MYOM2: variants seen among roughly 807,000 people sequenced by gnomAD.
MYOM2 encodes myomesin-2.
Under a neutral mutation model 187.6 loss-of-function variants are expected in MYOM2, and 254 were observed. That is an observed-to-expected ratio of 1.35 (90% CI 1.22 to 1.50). The LOEUF (loss-of-function observed/expected upper bound fraction) is 1.50. Ranked by LOEUF, MYOM2 falls within the 40% of genes most tolerant of loss-of-function variation. The pLI, the probability that MYOM2 is intolerant of heterozygous loss-of-function variation, is 0.00. For missense variants in MYOM2, 2,796 were observed against 1,924.0 expected (o/e 1.45, Z -8.48); for synonymous variants, 981 against 753.8 (o/e 1.30, Z -4.94).
At chr8:2,071,444 G>C (rs1171686780) in intron 8 of MYOM2, among the ~76,000 whole-genome samples, 1 of 152,022 alleles carries the variant, frequency 6.6e-6, no homozygotes, top group Non-Finnish European at 1.5e-5. Context: ...CCAGGCTGAC[G>C]CTTCTGGATC....
chr8:2,059,380 T>G (rs1241770301), intron 6 of MYOM2, 135 bp downstream of exon 6: 1 of 673,586 alleles, frequency 1.5e-6, no homozygotes, highest in African/African-American at 1.8e-5. Flanking sequence ...TAAATAGCAT[T>G]TATGAGTTAA....
At chr8:2,100,767 C>A in intron 19 of MYOM2, 109 bp from the exon 20 acceptor site, 1 of 1,032,628 alleles carries the variant, frequency 9.7e-7, no homozygotes. Flanking sequence ...TACGGATGGT[C>A]CTGGTGGGGG....
chr8:2,078,543 T>C (rs1364544777), intron 11 of MYOM2, among the ~76,000 whole-genome samples, 191 bp from the exon 12 acceptor site: 1 of 152,110 alleles, frequency 6.6e-6, no homozygotes, highest in East Asian at 1.9e-4. Context: ...ATAATATATA[T>C]ATTGCATTTT....
intron 13 of MYOM2, 114 bp downstream of exon 13, chr8:2,079,727 A>G: frequency 8.5e-7 from 1 of 1,175,278 alleles, no homozygotes; most frequent in Non-Finnish European, 1.3e-6. Context: ...TCTGCATGGA[A>G]AAATGAAAAC....
intron 25 of MYOM2, among the ~76,000 whole-genome samples, chr8:2,115,538 G>T (rs766069134): frequency 9.2e-5 from 14 of 152,218 alleles, no homozygotes; most frequent in African/African-American, 2.9e-4. Context: ...GCTGTGTCCC[G>T]GGAGCTGAAG....
Position 2,110,366 on chromosome 8 carries a change from C to T in MYOM2, c.3180+835C>T, listed in dbSNP as rs533455208. On this transcript the variant is annotated intron_variant, in intron 25 of 36. Coordinates refer to ENST00000262113, the MANE Select transcript of MYOM2 (RefSeq NM_003970.4). ...GGCACATGCTCTGTCACGGTCCAGA[C>T]ACCGCCTCGGTTCTGCTTTCGATTG... 3.9e-5 allele frequency among the ~76,000 whole-genome samples: 6 copies of T among 152,308 alleles called. No homozygotes were observed. The East Asian group carries it at 1.2e-3, about 29-fold the overall frequency.
At chr8:2,085,542 GCCC>G (rs1554546494) in intron 14 of MYOM2, 152 bp downstream of exon 14, 13 of 318,148 alleles carry the variant, frequency 4.1e-5, no homozygotes, top group Admixed American at 1.4e-4. Context: ...TCTCTGCGTG[GCCC>G]CACTGTCATG....
At chr8:2,050,439 T>C (rs7815709) in intron 1 of MYOM2, among the ~76,000 whole-genome samples, 31,030 of 152,222 alleles carry the variant, frequency 0.2, 5,041 homozygotes, top group African/African-American at 0.45. Context: ...TTCCCACTTA[T>C]ATTGCTTTGA....
chr8:2,130,539 A>C (rs1797828720), intron 32 of MYOM2, among the ~76,000 whole-genome samples: 1 of 152,272 alleles, frequency 6.6e-6, no homozygotes, highest in Non-Finnish European at 1.5e-5. Flanking sequence ...TGGTTTGCTT[A>C]GGTGACTGTA....
intron 30 of MYOM2, among the ~76,000 whole-genome samples, chr8:2,123,950 T>C (rs1378329592): frequency 6.6e-6 from 1 of 152,228 alleles, no homozygotes; most frequent in Non-Finnish European, 1.5e-5. Context: ...CAGTTGAATG[T>C]AGAGTTGGAT....
intron 24 of MYOM2, 59 bp from the exon 25 acceptor site, chr8:2,109,336 G>A (rs1796991472): frequency 6.6e-7 from 1 of 1,510,084 alleles, no homozygotes; most frequent in Non-Finnish European, 8.9e-7. Flanking sequence ...CAATTTGCAG[G>A]TATTCTTCCT....
chr8:2,085,507 T>TCTGCGTGGCCCCCTACTGTCGTGATCTC (rs1819807683), intron 14 of MYOM2, 117 bp downstream of exon 14: 1 of 1,059,806 alleles, frequency 9.4e-7, no homozygotes, highest in Non-Finnish European at 1.3e-6. Flanking sequence ...TGTTGTGATC[T>TCTGCGTGGCCCCCTACTGTCGTGATCTC]CCGCGTGGCC....
At position 2,069,259 on chromosome 8, in the gene MYOM2, T is replaced by C. The variant is rs1819129926; in HGVS notation, c.654-19T>C. ...ACACAACAGTCCCGCAGACTTTCTC[T>C]TGTTTTTTTCTCTCCAAGGGCAGAC... On this transcript the variant is annotated intron_variant, in intron 6 of 36. Coordinates refer to ENST00000262113, the MANE Select transcript of MYOM2 (RefSeq NM_003970.4). 1 of 1,602,000 alleles carries C rather than the reference T, an allele frequency of 6.2e-7. No homozygotes were observed. Among genetic ancestry groups the C allele is most frequent in the Non-Finnish European group, 8.5e-7 (1 of 1,172,432 alleles).
At chr8:2,070,486 T>G (rs9693799) in intron 8 of MYOM2, among the ~76,000 whole-genome samples, 137 of 152,204 alleles carry the variant, frequency 9.0e-4, no homozygotes, top group African/African-American at 2.9e-3. Flanking sequence ...AAAGTGAGCC[T>G]GGGGAGCCCG....
chr8:2,102,847 A>G, intron 21 of MYOM2, 66 bp downstream of exon 21: 2 of 1,265,702 alleles, frequency 1.6e-6, no homozygotes, highest in Non-Finnish European at 2.3e-6. Flanking sequence ...TGTATTATGG[A>G]TGTATGGATG....
intron 32 of MYOM2, among the ~76,000 whole-genome samples, chr8:2,135,560 T>G (rs150910697): frequency 0.13 from 19,769 of 152,064 alleles, 2,171 homozygotes; most frequent in African/African-American, 0.28. Flanking sequence ...CCCGTCACAG[T>G]TGACCATCCT....
intron 13 of MYOM2, among the ~76,000 whole-genome samples, chr8:2,080,487 G>T (rs1819583779): frequency 6.6e-6 from 1 of 152,188 alleles, no homozygotes; most frequent in Non-Finnish European, 1.5e-5. Context: ...ACTCCCAAAA[G>T]AAGACCGTTG....
chr8:2,051,486 G>T (rs1253917870), intron 2 of MYOM2, among the ~76,000 whole-genome samples: 3 of 152,160 alleles, frequency 2.0e-5, no homozygotes, highest in Non-Finnish European at 4.4e-5. Flanking sequence ...AGGGAGGGAG[G>T]GACCGCGGGC....
At chr8:2,094,672 G>A (rs911351482) in intron 17 of MYOM2, among the ~76,000 whole-genome samples, 1 of 152,156 alleles carries the variant, frequency 6.6e-6, no homozygotes, top group Non-Finnish European at 1.5e-5. Flanking sequence ...ATATGCTGTA[G>A]GGGATACATT....
Sources: allele counts gnomAD v4.1 joint callset (sites outside exome capture counted in the v4.1 genomes callset), GRCh38; gene constraint gnomAD v4.1.1; transcripts MANE v1.5; gene names NCBI Gene and HGNC (gene_info 2026-07-23, HGNC 2026-07-21).